PTPRG: variants seen among roughly 807,000 people sequenced by gnomAD.
The protein encoded by PTPRG is receptor-type tyrosine-protein phosphatase gamma.
PTPRG carries 102 observed loss-of-function variants against 165.3 expected under a neutral mutation model. The observed-to-expected ratio is 0.62, with a 90% CI of 0.53 to 0.73. The LOEUF (loss-of-function observed/expected upper bound fraction) is 0.73. Ranked by LOEUF, PTPRG falls within the 30% of genes least tolerant of loss-of-function variation. The probability of loss-of-function intolerance (pLI) is 0.00; values close to 1 mark genes in which losing one functional copy is unlikely to be tolerated. For missense variants in PTPRG, 1,866 were observed against 1,861.4 expected (o/e 1.00, Z -0.05); for synonymous variants, 675 against 669.5 (o/e 1.01, Z -0.13).
rs1424051482 is a variant in PTPRG, at chr3:62,270,118, T to C, written c.3009+949T>C. Among the ~76,000 whole-genome samples, 11 of 152,224 alleles carry C rather than the reference T, an allele frequency of 7.2e-5. No homozygotes were observed. The East Asian group carries it at 2.1e-3, about 29-fold the overall frequency. On this transcript the variant is annotated intron_variant, in intron 20 of 29. Coordinates refer to ENST00000474889, the MANE Select transcript of PTPRG (RefSeq NM_002841.4). ...GAAATACTGTATTAAGAACTGTAAATAGACGCTCATTAAAAAATGTAGTTA... is the reference window on the plus strand; with the variant it reads ...GAAATACTGTATTAAGAACTGTAAACAGACGCTCATTAAAAAATGTAGTTA...
chr3:61,786,934 A>G (rs762684347), intron 2 of PTPRG, among the ~76,000 whole-genome samples: 8 of 152,140 alleles, frequency 5.3e-5, no homozygotes, highest in Non-Finnish European at 8.8e-5. Flanking sequence ...TATCACCATG[A>G]TCTCCCATGT....
At chr3:62,048,010 A>G (rs936919286) in intron 4 of PTPRG, among the ~76,000 whole-genome samples, 1 of 152,166 alleles carries the variant, frequency 6.6e-6, no homozygotes, top group African/African-American at 2.4e-5. Flanking sequence ...CATTAATTAC[A>G]ATATTTCATA....
rs201181572 is a variant in PTPRG at position 61,982,673 on chromosome 3, CTT to C, written c.191-6948_191-6947del. Among the ~76,000 whole-genome samples the C allele has an allele frequency of 7.7e-3, 1,172 of 152,230 alleles. 6 individuals are homozygous for C. Among genetic ancestry groups the C allele is most frequent in the African/African-American group, 0.027 (1,111 of 41,536 alleles). On this transcript the variant is annotated intron_variant, in intron 2 of 29. Transcript: ENST00000474889. Reference sequence around the variant, plus strand: ...GGTAGCCATTATTGCCATCTTTACTCTTTTTAATACCCTCCTTTTCCAGAACA... The same window carrying C: ...GGTAGCCATTATTGCCATCTTTACTCTTTAATACCCTCCTTTTCCAGAACA...
intron 5 of PTPRG, among the ~76,000 whole-genome samples, chr3:62,132,267 A>G (rs867700811): frequency 2.6e-5 from 4 of 152,206 alleles, no homozygotes; most frequent in African/African-American, 9.6e-5. Context: ...CTCTCTCATG[A>G]CTTTCAATGA....
chr3:62,270,172 T>C (rs1702014469), intron 20 of PTPRG, among the ~76,000 whole-genome samples: 1 of 152,130 alleles, frequency 6.6e-6, no homozygotes, highest in African/African-American at 2.4e-5. Flanking sequence ...TGGCAGTTGT[T>C]TGCAGCAATG....
At chr3:61,940,137 G>T (rs143454547) in intron 2 of PTPRG, among the ~76,000 whole-genome samples, 2,747 of 151,886 alleles carry the variant, frequency 0.018, 48 homozygotes, top group Middle Eastern at 0.041. Flanking sequence ...AGTAGAGACA[G>T]GGTTTTACCA....
At chr3:61,788,779 A>G (rs1273072936) in intron 2 of PTPRG, among the ~76,000 whole-genome samples, 2 of 152,256 alleles carry the variant, frequency 1.3e-5, no homozygotes, top group South Asian at 2.1e-4. Context: ...CATGAAAGCA[A>G]CCATAGACCA....
chr3:62,050,344 C>A (rs901644383), intron 4 of PTPRG, among the ~76,000 whole-genome samples: 2 of 152,186 alleles, frequency 1.3e-5, no homozygotes, highest in Non-Finnish European at 2.9e-5. Flanking sequence ...GTATTCAATA[C>A]AGTCATATAG....
chr3:61,668,318 C>A (rs1702865151), intron 1 of PTPRG, among the ~76,000 whole-genome samples: 1 of 152,190 alleles, frequency 6.6e-6, no homozygotes, highest in Non-Finnish European at 1.5e-5. Flanking sequence ...CTCTATCAGG[C>A]ATTTGGGGGA....
intron 10 of PTPRG, 37 bp from the exon 11 acceptor site, chr3:62,201,468 A>G: frequency 6.4e-7 from 1 of 1,554,822 alleles, no homozygotes; most frequent in Non-Finnish European, 8.8e-7. Flanking sequence ...CCACAAAAAA[A>G]GTTATATTGC....
chr3:61,781,705 G>T (rs1177328494), intron 2 of PTPRG, among the ~76,000 whole-genome samples: 1 of 152,040 alleles, frequency 6.6e-6, no homozygotes, highest in African/African-American at 2.4e-5. Flanking sequence ...ATGAGATGTT[G>T]ATTACTAAAT....
chr3:61,820,494 A>G (rs2035918514), intron 2 of PTPRG, among the ~76,000 whole-genome samples: 2 of 151,942 alleles, frequency 1.3e-5, no homozygotes, highest in Admixed American at 1.3e-4. Context: ...CTAAGAGATA[A>G]TGTTTAACCA....
intron 6 of PTPRG, among the ~76,000 whole-genome samples, chr3:62,140,477 T>C (rs1225878835): frequency 6.6e-6 from 1 of 152,130 alleles, no homozygotes; most frequent in Non-Finnish European, 1.5e-5. Context: ...CAGTGGGTAA[T>C]GCATGATTCC....
At chr3:62,201,353 G>T (rs367894941) in intron 10 of PTPRG, 152 bp from the exon 11 acceptor site, 3 of 635,250 alleles carry the variant, frequency 4.7e-6, no homozygotes, top group Non-Finnish European at 7.5e-6. Flanking sequence ...GCCAAGAAGG[G>T]CTTTATATTT....
intron 2 of PTPRG, among the ~76,000 whole-genome samples, chr3:61,768,486 G>A (rs919453164): frequency 3.3e-5 from 5 of 152,144 alleles, no homozygotes; most frequent in African/African-American, 4.8e-5. Flanking sequence ...GGAAGTCCCC[G>A]GCAAGTAGCT....
At chr3:61,780,448 G>C (rs1177409927) in intron 2 of PTPRG, among the ~76,000 whole-genome samples, 1 of 152,214 alleles carries the variant, frequency 6.6e-6, no homozygotes, top group East Asian at 1.9e-4. Flanking sequence ...TATTTAGTCT[G>C]TGAATATTGT....
chr3:62,120,470 G>T (rs978253730), intron 5 of PTPRG, among the ~76,000 whole-genome samples: 15 of 71,490 alleles, frequency 2.1e-4, no homozygotes, highest in Admixed American at 2.0e-3. Flanking sequence ...AAGATTGAAG[G>T]CCAGGTGCAG....
chr3:61,605,944 G>A (rs1442864620), intron 1 of PTPRG, among the ~76,000 whole-genome samples: 3 of 152,228 alleles, frequency 2.0e-5, no homozygotes, highest in African/African-American at 7.2e-5. Context: ...CTGCCATGCT[G>A]CCTTAAAAGG....
intron 4 of PTPRG, among the ~76,000 whole-genome samples, chr3:62,060,211 C>CAAAAAAAAA (rs3068431): frequency 7.6e-6 from 1 of 131,494 alleles, no homozygotes; most frequent in African/African-American, 2.9e-5. Context: ...GACCCTGTCT[C>CAAAAAAAAA]AAAAAAAAAA....
Sources: gnomAD v4.1 joint callset for allele counts (sites outside exome capture counted in the v4.1 genomes callset) on GRCh38, gnomAD v4.1.1 for gene constraint, MANE v1.5 for transcripts, NCBI Gene and HGNC (gene_info 2026-07-23, HGNC 2026-07-21) for gene names.